The following NT5C3A variants were observed in gnomAD, a reference collection of about 807,000 sequenced individuals.
NT5C3A encodes the protein 5'-nucleotidase, cytosolic IIIA.
Under a neutral mutation model 40.0 loss-of-function variants are expected in NT5C3A, and 23 were observed. That is an observed-to-expected ratio of 0.58 (90% CI 0.41 to 0.81). The LOEUF (loss-of-function observed/expected upper bound fraction) is 0.81. NT5C3A is among the 40% of genes least tolerant of loss of function. The pLI is 0.00. For missense variants in NT5C3A, 328 were observed against 403.0 expected, an observed-to-expected ratio of 0.81 and a Z score of 1.59; for synonymous variants, 130 against 141.4, an observed-to-expected ratio of 0.92 and a Z score of 0.57.
chr7:33,047,575 A>G (rs2128014150), intron 1 of NT5C3A, among the ~76,000 whole-genome samples: 1 of 152,318 alleles, frequency 6.6e-6, no homozygotes, highest in Admixed American at 6.5e-5. Context: ...TATAGTTATG[A>G]AAATATAAGT....
At chr7:33,050,244 A>G (rs1267600912) in intron 1 of NT5C3A, among the ~76,000 whole-genome samples, 1 of 152,224 alleles carries the variant, frequency 6.6e-6, no homozygotes, top group African/African-American at 2.4e-5. Flanking sequence ...TAGTTACCAA[A>G]CAATAGCACA....
At chr7:33,024,416 C>G (rs1039129207) in intron 2 of NT5C3A, among the ~76,000 whole-genome samples, 2 of 152,050 alleles carry the variant, frequency 1.3e-5, no homozygotes, top group African/African-American at 4.8e-5. Flanking sequence ...CATGGGCGAG[C>G]CTGGAGGTCA....
At chr7:33,026,241 G>A (rs555935522) in intron 2 of NT5C3A, among the ~76,000 whole-genome samples, 37 of 151,578 alleles carry the variant, frequency 2.4e-4, no homozygotes, top group Admixed American at 2.2e-3. Context: ...CCAGCTGCTC[G>A]GGGAGGCGGA....
rs752823953 is a variant in NT5C3A, at chr7:33,015,870, C to T, written c.694G>A (p.Gly232Arg). Reference protein sequence around the residue: ...VSNFMDFDETGVLKGFKGELI... With the variant: ...VSNFMDFDETRVLKGFKGELI... ...TCTCCTTTAAATCCTTTGAGCACCC[C>T]CTATGAAAAATATAAATCTTTTGAA... Residue 232 changes from glycine (G) to arginine (R), a missense_variant and splice_region_variant, in exon 8 of 9, where the codon GGG becomes AGG. By Grantham distance (125) the Gly-to-Arg change is moderately radical. This residue lies in a region of NT5C3A where 280 missense variants were observed against 317.2 expected (regional missense o/e 0.88). Coordinates refer to ENST00000610140, the MANE Select transcript of NT5C3A (RefSeq NM_001002010.5). 9 of 1,594,966 alleles carry T rather than the reference C, an allele frequency of 5.6e-6. No homozygotes were observed. The highest frequency in any genetic ancestry group is 4.5e-5 in the East Asian group (2 of 44,728).
intron 1 of NT5C3A, among the ~76,000 whole-genome samples, chr7:33,033,145 A>C (rs1162376485): frequency 6.6e-6 from 1 of 152,208 alleles, no homozygotes; most frequent in Non-Finnish European, 1.5e-5. Flanking sequence ...AATTCCAGTC[A>C]GATGTTCTCA....
chr7:33,038,862 C>T (rs770602925), intron 1 of NT5C3A: 10 of 456,474 alleles, frequency 2.2e-5, no homozygotes, highest in Non-Finnish European at 4.4e-5. Context: ...AGAAGAGTTG[C>T]TGGAAAAAAC....
chr7:33,056,453 T>C (rs369311635), intron 1 of NT5C3A, among the ~76,000 whole-genome samples: 1 of 100,876 alleles, frequency 9.9e-6, no homozygotes, highest in East Asian at 3.4e-4. Flanking sequence ...CCTGGGCAAA[T>C]AGTGAGACCC....
chr7:33,047,240 T>C, intron 1 of NT5C3A, among the ~76,000 whole-genome samples: 1 of 152,186 alleles, frequency 6.6e-6, no homozygotes, highest in East Asian at 1.9e-4. Context: ...AAATTAAAAA[T>C]GGCAAAAAGG....
Position 33,015,568 on chromosome 7 carries a change from GTC to G in NT5C3A, c.894+100_894+101del, listed in dbSNP as rs1412516748. 6 of 730,972 alleles carry G rather than the reference GTC, an allele frequency of 8.2e-6. No individual in the cohort carries two copies. The Admixed American group carries it at 1.6e-4, about 19-fold the overall frequency. The allele number at this position is 730,972 out of a possible 1,614,324, so 45.3% of individuals were successfully genotyped here. A position where few individuals can be genotyped will look rare whatever the true frequency, so the allele number is the denominator to read the frequency against. On this transcript the variant is annotated intron_variant, in intron 8 of 8. Transcript: ENST00000610140. The stretch of plus-strand genomic sequence containing the variant: ...ACAGAGGCTTGTCTCAAAAAAAAAA[GTC>G]TCTAAAATAACTACTTTCTCAGGTG...
rs199567545 is a variant in NT5C3A, at chr7:33,052,392, ACG to A, written c.138+10174_138+10175del. Among the ~76,000 whole-genome samples, 657 of 149,096 alleles carry A rather than the reference ACG, an allele frequency of 4.4e-3. 3 individuals are homozygous for A. Among genetic ancestry groups the A allele is most frequent in the African/African-American group, 0.016 (627 of 40,396 alleles). ...CAACTACTCAGGTGGCTGAGGCACC[ACG>A]AGTATCACTTGAAGCTGGGAGACAG... On this transcript the variant is annotated intron_variant, in intron 1 of 8. Coordinates refer to ENST00000610140, the MANE Select transcript of NT5C3A (RefSeq NM_001002010.5).
intron 1 of NT5C3A, among the ~76,000 whole-genome samples, chr7:33,058,262 AAAT>A (rs1361637272): frequency 5.3e-5 from 8 of 152,352 alleles, no homozygotes; most frequent in African/African-American, 1.9e-4. Flanking sequence ...CTAAGGCTGT[AAAT>A]AATAAGATGT....
intron 1 of NT5C3A, among the ~76,000 whole-genome samples, chr7:33,060,965 T>A (rs533373194): frequency 6.6e-6 from 1 of 152,262 alleles, no homozygotes; most frequent in Non-Finnish European, 1.5e-5. Flanking sequence ...AAATATTGAC[T>A]GATTTCTTTA....
At chr7:33,031,444 C>T (rs894860038) in intron 1 of NT5C3A, among the ~76,000 whole-genome samples, 9 of 151,858 alleles carry the variant, frequency 5.9e-5, no homozygotes, top group Non-Finnish European at 1.0e-4. Flanking sequence ...AAAAATTAGC[C>T]GGGCATGGTG....
In NT5C3A at chr7:33,058,161, G is replaced by C. The variant is rs1366647177; in HGVS notation, c.138+4407C>G. Among the ~76,000 whole-genome samples the C allele has an allele frequency of 2.0e-5, 3 of 151,870 alleles. No homozygotes were observed. In the East Asian group the frequency reaches 5.8e-4, roughly 29 times the overall value. On this transcript the variant is annotated intron_variant, in intron 1 of 8. Coordinates refer to ENST00000610140, the MANE Select transcript of NT5C3A (RefSeq NM_001002010.5). ...TGCAGGAGAAATTAGAAAAGAAGTC[G>C]GTATGTAACATTTGAAAGAGGTGTC...
intron 4 of NT5C3A, chr7:33,021,822 T>G: frequency 3.9e-6 from 2 of 518,074 alleles, no homozygotes; most frequent in Non-Finnish European, 6.9e-6. Flanking sequence ...CATTTAAGAG[T>G]TTTAAATATA....
intron 2 of NT5C3A, among the ~76,000 whole-genome samples, chr7:33,025,430 TA>T (rs1295140277): frequency 6.6e-6 from 1 of 152,300 alleles, no homozygotes; most frequent in East Asian, 1.9e-4. Flanking sequence ...CTGGGTTAAA[TA>T]TTATTTTTCA....
chr7:33,033,861 T>C (rs1264907075), intron 1 of NT5C3A, among the ~76,000 whole-genome samples: 1 of 146,320 alleles, frequency 6.8e-6, no homozygotes, highest in Non-Finnish European at 1.5e-5. Context: ...TGCTATAAAG[T>C]TGTCAATATA....
chr7:33,035,733 A>G (rs537528553), intron 1 of NT5C3A, among the ~76,000 whole-genome samples: 2 of 152,350 alleles, frequency 1.3e-5, no homozygotes, highest in South Asian at 4.1e-4. Context: ...AAGCACGACA[A>G]TGTGCATTAG....
intron 3 of NT5C3A, 114 bp from the exon 4 acceptor site, chr7:33,022,213 C>T (rs11974256): frequency 0.031 from 20,744 of 671,232 alleles, 728 homozygotes; most frequent in South Asian, 0.12. Context: ...TTTGCACCAA[C>T]CCAATACTTT....
Sources: gnomAD v4.1 joint callset for allele counts (sites outside exome capture counted in the v4.1 genomes callset) on GRCh38, gnomAD v4.1.1 for gene constraint, gnomAD v4.1.1 regional missense constraint, MANE v1.5 for transcripts, NCBI Gene and HGNC (gene_info 2026-07-23, HGNC 2026-07-21) for gene names.